Variants in ME3 observed in about 807,000 individuals in gnomAD.
ME3 encodes NADP-dependent malic enzyme, mitochondrial.
ME3 carries 48 observed loss-of-function variants against 68.9 expected under a neutral mutation model. The observed-to-expected ratio is 0.70, with a 90% CI of 0.55 to 0.89. The LOEUF (loss-of-function observed/expected upper bound fraction) is 0.89, where lower values mean the gene tolerates loss of function less well. Among genes scored for constraint, ME3 ranks in the 40% least tolerant of loss-of-function variants. The probability of loss-of-function intolerance (pLI) is 0.00; values close to 1 mark genes in which losing one functional copy is unlikely to be tolerated. For synonymous variants in ME3, 320 were observed against 318.8 expected (o/e 1.00, Z -0.04); for missense variants, 675 against 797.4 (o/e 0.85, Z 1.85).
At chr11:86,530,984 C>G (rs1209799555) in intron 4 of ME3, among the ~76,000 whole-genome samples, 3 of 151,982 alleles carry the variant, frequency 2.0e-5, no homozygotes. Flanking sequence ...CAACAAAAGC[C>G]AAAATTGACA....
intron 2 of ME3, among the ~76,000 whole-genome samples, chr11:86,621,339 T>A (rs593450): frequency 6.6e-6 from 1 of 152,056 alleles, no homozygotes; most frequent in South Asian, 2.1e-4. Context: ...GATTTAAGAA[T>A]AATTAAGGTC....
At chr11:86,442,968 C>G (rs1949085942) in intron 13 of ME3, 49 bp from the exon 14 acceptor site, 1 of 1,471,728 alleles carries the variant, frequency 6.8e-7, no homozygotes, top group Non-Finnish European at 9.5e-7. Context: ...CTCTGCCTTC[C>G]CAAAACAAGC....
At chr11:86,470,210 A>G (rs1950708910) in intron 7 of ME3, among the ~76,000 whole-genome samples, 1 of 152,172 alleles carries the variant, frequency 6.6e-6, no homozygotes, top group Non-Finnish European at 1.5e-5. Context: ...GGGACTGGGA[A>G]GAGAAGGTGA....
intron 3 of ME3, 103 bp from the exon 4 acceptor site, chr11:86,556,805 C>G (rs555271912): frequency 1.1e-5 from 15 of 1,307,608 alleles, no homozygotes; most frequent in Middle Eastern, 2.0e-4. Flanking sequence ...CTGCTCAGCC[C>G]GGAACATTCA....
intron 2 of ME3, among the ~76,000 whole-genome samples, chr11:86,560,084 G>T (rs1046648215): frequency 2.0e-5 from 3 of 152,006 alleles, no homozygotes; most frequent in Non-Finnish European, 4.4e-5. Context: ...TAATATATAT[G>T]TTTTATTTTA....
intron 4 of ME3, among the ~76,000 whole-genome samples, chr11:86,552,044 G>A (rs1956715567): frequency 6.6e-6 from 1 of 152,354 alleles, no homozygotes; most frequent in South Asian, 2.1e-4. Flanking sequence ...GGTTTACAGT[G>A]TGTATTCTTG....
At chr11:86,550,720 G>T (rs562830893) in intron 4 of ME3, among the ~76,000 whole-genome samples, 2 of 152,260 alleles carry the variant, frequency 1.3e-5, no homozygotes, top group South Asian at 4.1e-4. Context: ...GGGAGTATGT[G>T]TGTGTGTGTT....
At chr11:86,506,552 A>G (rs1290155159) in intron 5 of ME3, among the ~76,000 whole-genome samples, 1 of 152,206 alleles carries the variant, frequency 6.6e-6, no homozygotes, top group East Asian at 1.9e-4. Flanking sequence ...GGTTGGAGGA[A>G]AGGGTGCCTT....
At chr11:86,530,179 A>G (rs1053754959) in intron 4 of ME3, among the ~76,000 whole-genome samples, 1 of 152,192 alleles carries the variant, frequency 6.6e-6, no homozygotes, top group Non-Finnish European at 1.5e-5. Context: ...TCAATGTGCA[A>G]AAATCACAAG....
intron 2 of ME3, among the ~76,000 whole-genome samples, chr11:86,623,448 A>G (rs1304210887): frequency 3.3e-5 from 5 of 152,216 alleles, no homozygotes. Flanking sequence ...TTGCCTGAGC[A>G]AATTCCTATA....
At chr11:86,573,767 T>C (rs1957935287) in intron 2 of ME3, among the ~76,000 whole-genome samples, 1 of 152,214 alleles carries the variant, frequency 6.6e-6, no homozygotes, top group African/African-American at 2.4e-5. Context: ...GGCTATGGGT[T>C]TGTCATAAAT....
rs1944216612 is a variant in ME3, at chr11:86,634,595, AGTCCCATACCTGGG to A, written c.183+37153_183+37166del. On this transcript the variant is annotated intron_variant, in intron 2 of 14. Coordinates refer to ENST00000543262, the Ensembl canonical transcript of ME3. ...AACAAAGAATGACTGGTAGCATTTTAGTCCCATACCTGGGGTATTGTCTACTATGCATGAAGGCT... is the reference window on the plus strand; with the variant it reads ...AACAAAGAATGACTGGTAGCATTTTAGTATTGTCTACTATGCATGAAGGCT... Among the ~76,000 whole-genome samples the A allele has an allele frequency of 2.0e-5, 3 of 152,346 alleles. No individual in the cohort carries two copies. In the East Asian group the frequency reaches 5.8e-4, roughly 29 times the overall value.
At chr11:86,655,454 A>G (rs1945797673) in intron 2 of ME3, among the ~76,000 whole-genome samples, 1 of 152,186 alleles carries the variant, frequency 6.6e-6, no homozygotes, top group South Asian at 2.1e-4. Context: ...CGTATCTACA[A>G]TTATCTGATC....
chr11:86,453,198 G>C (rs576255045), intron 8 of ME3, among the ~76,000 whole-genome samples: 1 of 152,120 alleles, frequency 6.6e-6, no homozygotes, highest in African/African-American at 2.4e-5. Context: ...CAACGTTTTG[G>C]CGTGTTGGCC....
intron 2 of ME3, among the ~76,000 whole-genome samples, chr11:86,609,287 A>G (rs1942387488): frequency 6.6e-6 from 1 of 152,184 alleles, no homozygotes. Flanking sequence ...TTGACAGTGT[A>G]TATACAGTGC....
At chr11:86,640,832 T>C (rs1000218145) in intron 2 of ME3, among the ~76,000 whole-genome samples, 2 of 152,104 alleles carry the variant, frequency 1.3e-5, no homozygotes, top group Non-Finnish European at 2.9e-5. Flanking sequence ...CCCAATTCAG[T>C]GTTTCCCCAT....
intron 4 of ME3, 64 bp from the exon 5 acceptor site, chr11:86,508,931 T>A: frequency 1.5e-6 from 2 of 1,292,002 alleles, no homozygotes; most frequent in Non-Finnish European, 2.2e-6. Context: ...CTGAGCAAAG[T>A]CCATAGTACT....
At chr11:86,478,324 C>CAAAAAAAAAAAAAAAAAAAAAAAA in intron 7 of ME3, among the ~76,000 whole-genome samples, 1 of 62,914 alleles carries the variant, frequency 1.6e-5, no homozygotes, top group Non-Finnish European at 3.0e-5. Flanking sequence ...GCCTAAGGAC[C>CAAAAAAAAAAAAAAAAAAAAAAAA]AAAAAAAAAA....
chr11:86,527,797 G>C (rs1263972306), intron 4 of ME3, among the ~76,000 whole-genome samples: 4 of 152,144 alleles, frequency 2.6e-5, no homozygotes, highest in African/African-American at 7.2e-5. Context: ...TCATAGACAA[G>C]CAAATGCTGA....
Sources: allele counts gnomAD v4.1 joint callset (sites outside exome capture counted in the v4.1 genomes callset), GRCh38; gene constraint gnomAD v4.1.1; transcripts MANE v1.5; gene names NCBI Gene and HGNC (gene_info 2026-07-23, HGNC 2026-07-21).